The following ANKRD13A variants were observed in gnomAD, a reference collection of about 807,000 sequenced individuals.
ANKRD13A encodes ankyrin repeat domain-containing protein 13A.
Under a neutral mutation model 81.3 loss-of-function variants are expected in ANKRD13A, and 48 were observed. The observed-to-expected ratio is 0.59, with a 90% confidence interval of 0.47 to 0.75. The LOEUF (loss-of-function observed/expected upper bound fraction) is 0.75. Among genes scored for constraint, ANKRD13A ranks in the 30% least tolerant of loss-of-function variants. The pLI, the probability that ANKRD13A is intolerant of heterozygous loss-of-function variation, is 0.00. For synonymous variants in ANKRD13A, 230 were observed against 270.1 expected (o/e 0.85, Z 1.45); for missense variants, 612 against 734.0 (o/e 0.83, Z 1.92).
chr12:110,029,423 T>C, intron 10 of ANKRD13A, 55 bp from the exon 11 acceptor site: 1 of 1,585,274 alleles, frequency 6.3e-7, no homozygotes, highest in East Asian at 2.3e-5. Flanking sequence ...AGCAATAATC[T>C]CCTTTTCCCA....
chr12:110,008,338 G>C lies in ANKRD13A; in HGVS notation c.97-3667G>C, dbSNP rs528272303. On this transcript the variant is annotated intron_variant, in intron 1 of 14. Transcript: ENST00000261739. Reference sequence around the variant, plus strand: ...AAGTTATACCATTCTTATATTTGTAGGATAAGTCTCAGTTGGTCATAGTGT... The same window carrying C: ...AAGTTATACCATTCTTATATTTGTACGATAAGTCTCAGTTGGTCATAGTGT... Among the ~76,000 whole-genome samples the C allele has an allele frequency of 7.9e-5, 12 of 152,126 alleles. No homozygotes were observed. The South Asian group carries it at 2.3e-3, about 29-fold the overall frequency.
At chr12:110,002,634 A>C (rs1430938608) in intron 1 of ANKRD13A, among the ~76,000 whole-genome samples, 1 of 152,170 alleles carries the variant, frequency 6.6e-6, no homozygotes, top group Non-Finnish European at 1.5e-5. Context: ...AAAAAAACCC[A>C]AAAAATTCTT....
chr12:110,023,433 T>C (rs1891171720), intron 6 of ANKRD13A, among the ~76,000 whole-genome samples: 1 of 152,154 alleles, frequency 6.6e-6, no homozygotes, highest in South Asian at 2.1e-4. Context: ...GCTAAAAAAA[T>C]CTGTTTTTCA....
intron 2 of ANKRD13A, 91 bp downstream of exon 2, chr12:110,012,228 G>C: frequency 7.1e-7 from 1 of 1,413,108 alleles, no homozygotes. Context: ...AGCCAGGTGC[G>C]GTGGTGCATG....
chr12:110,029,515 C>G lies in ANKRD13A; in HGVS notation c.1114C>G (p.Leu372Val). The change falls in exon 11 of 15, where the codon CTC becomes GTC. Residue 372 changes from leucine (L) to valine (V), a missense_variant. Coordinates refer to ENST00000261739, the MANE Select transcript of ANKRD13A (RefSeq NM_033121.2). The stretch of plus-strand genomic sequence containing the variant: ...GTTGTGGATGTGTGAAGAGTTTCCC[C>G]TCTCTCTGGTGGAGCAGGTCATTCC... ...AMLWMCEEFP[L>V]SLVEQVIPII... 6.2e-7 allele frequency: 1 copy of G among 1,613,798 alleles called. No individual in the cohort carries two copies. The highest frequency in any genetic ancestry group is 8.5e-7 in the Non-Finnish European group (1 of 1,179,690).
chr12:110,037,178 T>G (rs59547241), intron 14 of ANKRD13A, among the ~76,000 whole-genome samples, 181 bp from the exon 15 acceptor site: 28,474 of 152,106 alleles, frequency 0.19, 4,893 homozygotes, highest in African/African-American at 0.46. Flanking sequence ...TTGGGCAAGA[T>G]TGTGGGGTTT....
At chr12:110,006,665 C>T (rs1035650222) in intron 1 of ANKRD13A, among the ~76,000 whole-genome samples, 5 of 150,956 alleles carry the variant, frequency 3.3e-5, no homozygotes, top group Admixed American at 1.3e-4. Context: ...GGTGTGATCT[C>T]GGCTTACCAC....
At chr12:110,032,413 C>T (rs915932177) in intron 12 of ANKRD13A, 3 of 152,080 alleles carry the variant, frequency 2.0e-5, no homozygotes, top group African/African-American at 4.8e-5. Flanking sequence ...CAATTGAACT[C>T]GACAATAATA....
intron 12 of ANKRD13A, among the ~76,000 whole-genome samples, chr12:110,033,252 C>T (rs1161698857): frequency 4.8e-5 from 7 of 146,552 alleles, no homozygotes; most frequent in African/African-American, 1.8e-4. Flanking sequence ...TTAGTAGAGA[C>T]GGGGTTTCAC....
In ANKRD13A at chr12:110,019,207, T is replaced by G; in HGVS notation, c.613T>G (p.Ser205Ala). ...KVVTTERFDL[S>A]QEMERLTLDL... ...GGTCACCACCGAACGCTTCGACCTT[T>G]CCCAAGAAATGGAGCGCCTCACTCT... Residue 205 changes from serine (S) to alanine (A), a missense_variant, in exon 6 of 15, where the codon TCC becomes GCC. Ser to Ala is a moderately conservative substitution (Grantham distance 99). Coordinates refer to ENST00000261739, the MANE Select transcript of ANKRD13A (RefSeq NM_033121.2). 6.2e-7 allele frequency: 1 copy of G among 1,614,012 alleles called. No homozygotes were observed. The highest frequency in any genetic ancestry group is 8.5e-7 in the Non-Finnish European group (1 of 1,179,932).
chr12:110,028,337 C>A, intron 9 of ANKRD13A, 175 bp from the exon 10 acceptor site: 1 of 565,554 alleles, frequency 1.8e-6, no homozygotes, highest in Non-Finnish European at 3.1e-6. Context: ...ATTACACTTC[C>A]TGTGTAGTTT....
rs759700216 is a variant in ANKRD13A at position 110,019,305 on chromosome 12, T to C, written c.711T>C (p.Asp237=). 6.2e-7 allele frequency: 1 copy of C among 1,607,790 alleles called. No homozygotes were observed. Among genetic ancestry groups the C allele is most frequent in the Non-Finnish European group, 8.5e-7 (1 of 1,177,294 alleles). Residue 237 remains aspartate, a synonymous_variant, in exon 6 of 15, where the codon GAT becomes GAC. Transcript: ENST00000261739. The part of the protein sequence containing the change: ...LTSPVINTSL[D]TKNIAFERTK... ...GCCCTGTCATTAACACCAGCCTCGATACTAAAAATATTGCTTTTGAAAGGT... is the reference window on the plus strand; with the variant it reads ...GCCCTGTCATTAACACCAGCCTCGACACTAAAAATATTGCTTTTGAAAGGT...
chr12:110,001,304 A>C (rs1411293575), intron 1 of ANKRD13A, among the ~76,000 whole-genome samples: 1 of 151,842 alleles, frequency 6.6e-6, no homozygotes, highest in Non-Finnish European at 1.5e-5. Context: ...CTTATGGTTG[A>C]CAAAAATTGA....
intron 4 of ANKRD13A, among the ~76,000 whole-genome samples, chr12:110,016,658 C>T (rs957565641): frequency 6.6e-6 from 1 of 152,164 alleles, no homozygotes; most frequent in African/African-American, 2.4e-5. Context: ...ACTTTTCCTC[C>T]CAGGCATTCA....
Position 110,039,402 on chromosome 12 carries a change from G to C in ANKRD13A, c.*1848G>C, listed in dbSNP as rs952170723. The C allele has an allele frequency of 1.3e-5, 2 of 152,242 alleles. No individual in the cohort carries two copies. The highest frequency in any genetic ancestry group is 1.3e-4 in the Admixed American group (2 of 15,282). The allele number at this position is 152,242 out of a possible 1,614,324, so 9.4% of individuals were successfully genotyped here. A position where few individuals can be genotyped will look rare whatever the true frequency, so the allele number is the denominator to read the frequency against. On this transcript the variant is annotated 3_prime_UTR_variant, in exon 15 of 15. Coordinates refer to ENST00000261739, the MANE Select transcript of ANKRD13A (RefSeq NM_033121.2). ...TGTTCACTCTAAAAATGCAAATAAA[G>C]ACTGCTTCCTTAGAGGGTGCTCATA...
At chr12:110,034,074 G>A in intron 13 of ANKRD13A, 117 bp downstream of exon 13, 1 of 1,117,276 alleles carries the variant, frequency 9.0e-7, no homozygotes, top group Non-Finnish European at 1.2e-6. Flanking sequence ...ACACATTCAT[G>A]GTATTTGCAT....
Position 110,012,147 on chromosome 12 carries a change from C to A in ANKRD13A, c.229+10C>A. 6.3e-7 allele frequency: 1 copy of A among 1,593,412 alleles called. No homozygotes were observed. Among genetic ancestry groups the A allele is most frequent in the African/African-American group, 1.3e-5 (1 of 74,664 alleles). ...CGCCAGGGATGGACAGGTAAGTATA[C>A]TTTTACAATAATTTAAAGTCCGTCT... On this transcript the variant is annotated intron_variant, in intron 2 of 14. Coordinates refer to ENST00000261739, the MANE Select transcript of ANKRD13A (RefSeq NM_033121.2).
intron 13 of ANKRD13A, among the ~76,000 whole-genome samples, chr12:110,035,574 C>T (rs1891991415): frequency 6.6e-6 from 1 of 152,068 alleles, no homozygotes; most frequent in Non-Finnish European, 1.5e-5. Flanking sequence ...CTCACCCTCC[C>T]GAGTAGCTGG....
At position 109,999,469 on chromosome 12, in the gene ANKRD13A, C is replaced by G. The variant is rs1453810105; in HGVS notation, c.-220C>G. ...GAGCTGTCAGCGCGGGCGGGAACGCCGCGGGGCGCGGGGTGGGCGCGGCCG... is the reference window on the plus strand; with the variant it reads ...GAGCTGTCAGCGCGGGCGGGAACGCGGCGGGGCGCGGGGTGGGCGCGGCCG... On this transcript the variant is annotated 5_prime_UTR_variant, in exon 1 of 15. Coordinates refer to ENST00000261739, the MANE Select transcript of ANKRD13A (RefSeq NM_033121.2). This position sits in a 1 kb window ranked among gnomAD's most constrained non-coding sequence, Gnocchi z 4.3. The G allele has an allele frequency of 3.9e-6, 1 of 253,814 alleles. No homozygotes were observed. The highest frequency in any genetic ancestry group is 7.4e-6 in the Non-Finnish European group (1 of 135,052). 15.7% of individuals were successfully genotyped at this position (253,814 alleles called of 1,614,324 possible).
Sources: allele counts gnomAD v4.1 joint callset (sites outside exome capture counted in the v4.1 genomes callset), GRCh38; gene constraint gnomAD v4.1.1; non-coding constraint Gnocchi (gnomAD v3.1); transcripts MANE v1.5; gene names NCBI Gene and HGNC (gene_info 2026-07-23, HGNC 2026-07-21).